The following REDIC1 variants were observed in gnomAD, a reference collection of about 807,000 sequenced individuals.
REDIC1 encodes HEI10 Interacting Protein 1.
chr12:39,805,120 C>T, the REDIC1 span, among the ~76,000 whole-genome samples: 1 of 138,546 alleles, frequency 7.2e-6, no homozygotes, highest in Non-Finnish European at 1.6e-5. Flanking sequence ...TGGAGGGAGC[C>T]AGGAAGACAG....
the REDIC1 span, among the ~76,000 whole-genome samples, chr12:39,634,518 C>G: frequency 1.3e-5 from 2 of 152,052 alleles, no homozygotes; most frequent in African/African-American, 4.8e-5. Flanking sequence ...ACAAACCTGA[C>G]AAAAACAAGC....
chr12:39,780,439 A>T, the REDIC1 span, among the ~76,000 whole-genome samples: 1 of 152,206 alleles, frequency 6.6e-6, no homozygotes, highest in Non-Finnish European at 1.5e-5. Flanking sequence ...AACAGCAGTG[A>T]AGTAAGCCAC....
the REDIC1 span, among the ~76,000 whole-genome samples, chr12:39,844,001 T>C: frequency 6.6e-6 from 1 of 151,932 alleles, no homozygotes; most frequent in East Asian, 1.9e-4. Context: ...GTCATAGAGC[T>C]TTACCAAAAA....
chr12:39,895,192 G>A, the REDIC1 span, among the ~76,000 whole-genome samples: 1 of 151,798 alleles, frequency 6.6e-6, no homozygotes, highest in African/African-American at 2.4e-5. Flanking sequence ...ACAAGTAGTG[G>A]GTCTGTTACT....
the REDIC1 span, among the ~76,000 whole-genome samples, chr12:39,629,976 C>T: frequency 1.3e-5 from 2 of 151,578 alleles, no homozygotes; most frequent in East Asian, 3.9e-4. Context: ...TTGTCAGTCC[C>T]ACCAGTTAAA....
chr12:39,741,510 G>C, the REDIC1 span, among the ~76,000 whole-genome samples: 4 of 152,216 alleles, frequency 2.6e-5, no homozygotes, highest in African/African-American at 9.7e-5. Context: ...AGGGTAGAGA[G>C]ATGTTAACGG....
the REDIC1 span, among the ~76,000 whole-genome samples, chr12:39,674,300 G>A: frequency 2.0e-5 from 3 of 152,002 alleles, no homozygotes; most frequent in South Asian, 6.2e-4. Context: ...CTACATTTCT[G>A]TATTGTCCAC....
the REDIC1 span, among the ~76,000 whole-genome samples, chr12:39,713,848 T>A: frequency 6.7e-6 from 1 of 148,470 alleles, no homozygotes. Context: ...CGTATATATA[T>A]GCATATATAC....
chr12:39,773,220 A>G, the REDIC1 span, among the ~76,000 whole-genome samples: 1 of 152,146 alleles, frequency 6.6e-6, no homozygotes, highest in Non-Finnish European at 1.5e-5. Flanking sequence ...GACTGCAATA[A>G]TGGGAAGCTG....
At chr12:39,814,907 T>C in the REDIC1 span, among the ~76,000 whole-genome samples, 1 of 152,202 alleles carries the variant, frequency 6.6e-6, no homozygotes, top group Non-Finnish European at 1.5e-5. Context: ...AAAGATATGA[T>C]AGATTGTGGA....
chr12:39,855,754 A>G, the REDIC1 span, among the ~76,000 whole-genome samples: 5 of 152,168 alleles, frequency 3.3e-5, no homozygotes, highest in Non-Finnish European at 7.3e-5. Flanking sequence ...AGCTACTAAA[A>G]CCAGGTTGTT....
chr12:39,822,674 A>C, the REDIC1 span, among the ~76,000 whole-genome samples: 1 of 152,206 alleles, frequency 6.6e-6, no homozygotes, highest in African/African-American at 2.4e-5. Flanking sequence ...TATAATAAAA[A>C]TCTTAGTCTT....
At chr12:39,764,448 AT>A in the REDIC1 span, 3 of 1,547,650 alleles carry the variant, frequency 1.9e-6, no homozygotes, top group African/African-American at 4.2e-5. Flanking sequence ...GTTAGAAAAA[AT>A]ATTATCTTAC....
At chr12:39,885,962 G>A in the REDIC1 span, among the ~76,000 whole-genome samples, 1 of 152,154 alleles carries the variant, frequency 6.6e-6, no homozygotes, top group Non-Finnish European at 1.5e-5. Flanking sequence ...CAGAGCAAAT[G>A]TTTTGTATAG....
chr12:39,811,623 A>T, the REDIC1 span, among the ~76,000 whole-genome samples: 7 of 151,848 alleles, frequency 4.6e-5, no homozygotes, highest in East Asian at 1.9e-4. Context: ...TTTTGTGAAA[A>T]TTTTTTTTAC....
At chr12:39,721,612 T>C in the REDIC1 span, 1 of 161,574 alleles carries the variant, frequency 6.2e-6, no homozygotes, top group Non-Finnish European at 1.3e-5. Context: ...TTTATTTTAA[T>C]ATTCTTTGCA....
chr12:39,875,370 T>A, the REDIC1 span, among the ~76,000 whole-genome samples: 1 of 152,222 alleles, frequency 6.6e-6, no homozygotes, highest in African/African-American at 2.4e-5. Flanking sequence ...ACCTTTGCTT[T>A]GCCTCCCTTG....
At chr12:39,641,675 C>G in the REDIC1 span, among the ~76,000 whole-genome samples, 3 of 150,926 alleles carry the variant, frequency 2.0e-5, no homozygotes, top group Non-Finnish European at 4.4e-5. Context: ...TAATGTTGAG[C>G]AAAAGAAGAA....
At chr12:39,704,269 A>G in the REDIC1 span, among the ~76,000 whole-genome samples, 2 of 152,242 alleles carry the variant, frequency 1.3e-5, no homozygotes, top group Non-Finnish European at 2.9e-5. Context: ...AAGGATATGA[A>G]CAGACACTTC....
Sources: allele counts gnomAD v4.1 joint callset (sites outside exome capture counted in the v4.1 genomes callset), GRCh38; gene constraint gnomAD v4.1.1; transcripts MANE v1.5; gene names NCBI Gene and HGNC (gene_info 2026-07-23, HGNC 2026-07-21).